The following PLEKHA5 variants were observed in gnomAD, a reference collection of about 807,000 sequenced individuals.
PLEKHA5 encodes the protein pleckstrin homology domain containing A5.
A neutral mutation model predicts 181.9 loss-of-function variants in PLEKHA5; 55 were observed. That is an observed-to-expected ratio of 0.30 (90% CI 0.24 to 0.38). The LOEUF is 0.38. PLEKHA5 is among the 10% of genes least tolerant of loss of function. The probability of loss-of-function intolerance (pLI) is 1.00; values close to 1 mark genes in which losing one functional copy is unlikely to be tolerated. For missense variants in PLEKHA5, 1,432 were observed against 1,549.5 expected, an observed-to-expected ratio of 0.92 and a Z score of 1.27; for synonymous variants, 535 against 529.4, an observed-to-expected ratio of 1.01 and a Z score of -0.15.
At chr12:19,230,808 G>C (rs1299701036) in intron 3 of PLEKHA5, among the ~76,000 whole-genome samples, 1 of 152,160 alleles carries the variant, frequency 6.6e-6, no homozygotes, top group Non-Finnish European at 1.5e-5. Flanking sequence ...CTCCCACAGT[G>C]CAGTGGCAAG....
chr12:19,284,543 T>C (rs1390523454), intron 12 of PLEKHA5, among the ~76,000 whole-genome samples: 1 of 152,200 alleles, frequency 6.6e-6, no homozygotes, highest in East Asian at 1.9e-4. Context: ...CCTTAAACAC[T>C]CGATTTAATA....
intron 15 of PLEKHA5, among the ~76,000 whole-genome samples, chr12:19,313,813 AATATAATTGTCT>A (rs886835466): frequency 1.3e-5 from 2 of 152,132 alleles, no homozygotes; most frequent in African/African-American, 4.8e-5. Context: ...TTAGACTGAA[AATATAATTGTCT>A]AGAAAAAGAG....
At chr12:19,370,524 G>A (rs1565676854) in intron 31 of PLEKHA5, among the ~76,000 whole-genome samples, 1 of 152,136 alleles carries the variant, frequency 6.6e-6, no homozygotes, top group Non-Finnish European at 1.5e-5. Flanking sequence ...AAGCTCTGGT[G>A]TAGAGTAAGA....
At position 19,141,656 on chromosome 12, in the gene PLEKHA5, G is replaced by A. The variant is rs183213434; in HGVS notation, c.227+9206G>A. 5.3e-5 allele frequency among the ~76,000 whole-genome samples: 8 copies of A among 152,296 alleles called. No homozygotes were observed. The East Asian group carries it at 1.5e-3, about 29-fold the overall frequency. ...TCGGGATGGTTCAGGCCAGGACCAG[G>A]GAGGATGAAGAGAAAGTGCTGAATT... On this transcript the variant is annotated intron_variant, in intron 3 of 31. Transcript: ENST00000429027.
intron 30 of PLEKHA5, among the ~76,000 whole-genome samples, chr12:19,368,142 A>G (rs1592662019): frequency 6.6e-6 from 1 of 152,266 alleles, no homozygotes; most frequent in South Asian, 2.1e-4. Flanking sequence ...ATTACCAGTC[A>G]TGTTCCCTTG....
At chr12:19,202,150 C>A in intron 3 of PLEKHA5, 1 of 276,614 alleles carries the variant, frequency 3.6e-6, no homozygotes, top group Non-Finnish European at 5.5e-6. Flanking sequence ...CCTTTTAGGT[C>A]ACATTTAGAC....
intron 20 of PLEKHA5, among the ~76,000 whole-genome samples, chr12:19,332,138 G>A (rs554965935): frequency 6.6e-6 from 1 of 151,848 alleles, no homozygotes; most frequent in South Asian, 2.1e-4. Context: ...TCTGGACATG[G>A]TGGTGCAAAC....
chr12:19,287,568 CT>C lies in PLEKHA5; in HGVS notation c.1863+15del. The C allele has an allele frequency of 1.5e-6, 2 of 1,371,194 alleles. No individual in the cohort carries two copies. The highest frequency in any genetic ancestry group is 2.1e-6 in the Non-Finnish European group (2 of 964,710). 84.9% of individuals were successfully genotyped at this position (1,371,194 alleles called of 1,614,324 possible). A position where few individuals can be genotyped will look rare whatever the true frequency, so the allele number is the denominator to read the frequency against. ...TCCAAGGGAAAACGGTGAGTAATAT[CT>C]TTATTTACCATACCATGTTTTATTT... On this transcript the variant is annotated intron_variant, in intron 13 of 31. Coordinates refer to ENST00000429027, the MANE Select transcript of PLEKHA5 (RefSeq NM_001256470.2).
intron 11 of PLEKHA5, among the ~76,000 whole-genome samples, chr12:19,280,589 G>A (rs2075857102): frequency 6.6e-6 from 1 of 152,098 alleles, no homozygotes; most frequent in African/African-American, 2.4e-5. Context: ...ATTGAAAGAA[G>A]AGATCAGAAA....
intron 3 of PLEKHA5, chr12:19,176,200 C>T (rs148410298): frequency 9.8e-4 from 148 of 151,462 alleles, no homozygotes; most frequent in African/African-American, 3.4e-3. Context: ...CTGTCCCCCC[C>T]CCACCTTCCT....
At chr12:19,333,254 C>T (rs2093029571) in intron 20 of PLEKHA5, among the ~76,000 whole-genome samples, 1 of 151,948 alleles carries the variant, frequency 6.6e-6, no homozygotes, top group African/African-American at 2.4e-5. Flanking sequence ...CGTTACACTC[C>T]AGCCTGGGCA....
chr12:19,341,047 A>T lies in PLEKHA5; in HGVS notation c.2551-2276A>T, dbSNP rs553389267. On this transcript the variant is annotated intron_variant, in intron 21 of 31. Coordinates refer to ENST00000429027, the MANE Select transcript of PLEKHA5 (RefSeq NM_001256470.2). The stretch of plus-strand genomic sequence containing the variant: ...AGCACTTTGGGAGGCCAAGTCAGAC[A>T]GATCACTTGAGGGTCAGGAGTTCAA... Among the ~76,000 whole-genome samples the T allele has an allele frequency of 2.6e-3, 393 of 152,272 alleles. 1 individual carries two copies. The highest frequency in any genetic ancestry group is 6.8e-3 in the Middle Eastern group (2 of 292).
intron 15 of PLEKHA5, chr12:19,306,383 C>A: frequency 1.9e-6 from 1 of 515,924 alleles, no homozygotes; most frequent in Non-Finnish European, 3.8e-6. Context: ...CTCTTCCCCT[C>A]CCCCGCGGCG....
chr12:19,340,816 G>A (rs576293171), intron 21 of PLEKHA5, among the ~76,000 whole-genome samples: 1,886 of 149,944 alleles, frequency 0.013, 31 homozygotes, highest in African/African-American at 0.044. Context: ...CAAACACTGC[G>A]GAAGGCCGCA....
At position 19,260,995 on chromosome 12, in the gene PLEKHA5, C is replaced by G; in HGVS notation, c.584C>G (p.Ser195Cys). ...TGGAAGAAACGCTGGTTTGTGCTTT[C>G]TGACCTTTGCCTCTTTTATTATAGA... ...KLWKKRWFVL[S>C]DLCLFYYRDE... The change falls in exon 7 of 32, where the codon TCT becomes TGT. Residue 195 changes from serine to cysteine, a missense_variant. This residue lies in a region of PLEKHA5 where 289 missense variants were observed against 381.1 expected (regional missense o/e 0.76). Coordinates refer to ENST00000429027, the MANE Select transcript of PLEKHA5 (RefSeq NM_001256470.2). The G allele has an allele frequency of 6.3e-7, 1 of 1,599,598 alleles. No homozygotes were observed. The highest frequency in any genetic ancestry group is 8.5e-7 in the Non-Finnish European group (1 of 1,169,974).
chr12:19,152,300 T>G (rs2040599253), intron 3 of PLEKHA5: 1 of 152,240 alleles, frequency 6.6e-6, no homozygotes, highest in Non-Finnish European at 1.5e-5. Context: ...ACCACAAAGT[T>G]GCCTAATAGG....
intron 26 of PLEKHA5, among the ~76,000 whole-genome samples, chr12:19,356,842 G>A (rs2153228138): frequency 6.6e-6 from 1 of 151,712 alleles, no homozygotes; most frequent in Non-Finnish European, 1.5e-5. Flanking sequence ...TGTATTTTTA[G>A]TAGACACAGG....
At chr12:19,209,901 C>T (rs1586841) in intron 3 of PLEKHA5, among the ~76,000 whole-genome samples, 127,931 of 152,140 alleles carry the variant, frequency 0.84, 55,280 homozygotes, top group Non-Finnish European at 0.95. Flanking sequence ...CACAGAGTTC[C>T]TCTCCACCAC....
intron 20 of PLEKHA5, among the ~76,000 whole-genome samples, chr12:19,323,166 C>T (rs2091319279): frequency 6.6e-6 from 1 of 151,810 alleles, no homozygotes; most frequent in Admixed American, 6.6e-5. Flanking sequence ...CCCAGCCAAA[C>T]ATTTTGTCCT....
Sources: allele counts gnomAD v4.1 joint callset (sites outside exome capture counted in the v4.1 genomes callset), GRCh38; gene constraint gnomAD v4.1.1; regional missense constraint gnomAD v4.1.1; transcripts MANE v1.5; gene names NCBI Gene and HGNC (gene_info 2026-07-23, HGNC 2026-07-21).